Variants in NUP160 observed in about 807,000 individuals in gnomAD.
NUP160 encodes nucleoporin 160, also known as nuclear pore complex protein Nup160.
Under a neutral mutation model 196.9 loss-of-function variants are expected in NUP160, and 94 were observed. The observed-to-expected ratio is 0.48, with a 90% confidence interval of 0.40 to 0.57. NUP160 has a LOEUF of 0.57. Among genes scored for constraint, NUP160 ranks in the 20% least tolerant of loss-of-function variants. The pLI is 0.00. For missense variants in NUP160, 1,638 were observed against 1,748.3 expected, an observed-to-expected ratio of 0.94 and a Z score of 1.13; for synonymous variants, 605 against 619.7, an observed-to-expected ratio of 0.98 and a Z score of 0.35.
At chr11:47,788,643 C>T in intron 29 of NUP160, 32 bp from the exon 30 acceptor site, 1 of 1,376,646 alleles carries the variant, frequency 7.3e-7, no homozygotes, top group Non-Finnish European at 1.0e-6. Flanking sequence ...TTTGAACTCC[C>T]AAAATACAAA....
At chr11:47,844,282 A>C (rs1220938168) in intron 2 of NUP160, among the ~76,000 whole-genome samples, 1 of 152,198 alleles carries the variant, frequency 6.6e-6, no homozygotes, top group Non-Finnish European at 1.5e-5. Context: ...TCAAGACAGC[A>C]GTCAAAGCAA....
At chr11:47,779,311 C>G (rs1774684133) in intron 35 of NUP160, 117 bp from the exon 36 acceptor site, 2 of 644,456 alleles carry the variant, frequency 3.1e-6, no homozygotes, top group Non-Finnish European at 5.4e-6. Context: ...GTTAGCCACT[C>G]TGCTTCATAA....
At chr11:47,798,415 A>G (rs926460184) in exon 24 of NUP160, 7 of 1,611,990 alleles carry the variant, frequency 4.3e-6, no homozygotes, top group Non-Finnish European at 5.9e-6. Context: ...GATGTAGCCA[A>G]CTGAATAACC....
intron 27 of NUP160, among the ~76,000 whole-genome samples, chr11:47,794,200 A>C (rs1442020516): frequency 6.6e-6 from 1 of 152,194 alleles, no homozygotes; most frequent in Non-Finnish European, 1.5e-5. Flanking sequence ...GTACACTTAA[A>C]AATGGTCAAG....
chr11:47,806,924 A>C, intron 19 of NUP160, 146 bp downstream of exon 19: 1 of 614,702 alleles, frequency 1.6e-6, no homozygotes, highest in Non-Finnish European at 2.9e-6. Flanking sequence ...CCACAAACGG[A>C]GATCTCAGGC....
At chr11:47,803,612 TCA>T (rs1225548791) in intron 21 of NUP160, 76 bp from the exon 22 acceptor site, 36 of 812,792 alleles carry the variant, frequency 4.4e-5, no homozygotes, top group Middle Eastern at 4.5e-4. Flanking sequence ...AAGTTATTCG[TCA>T]CAGAGGATGA....
intron 17 of NUP160, among the ~76,000 whole-genome samples, chr11:47,811,042 A>T (rs1233039741): frequency 1.3e-5 from 2 of 152,138 alleles, no homozygotes; most frequent in African/African-American, 4.8e-5. Flanking sequence ...GGAGAAAAAT[A>T]ATTTCTTAGC....
rs753092027 is a variant in NUP160 at position 47,791,914 on chromosome 11, G to A, written c.3511+16C>T. 55 of 1,582,348 alleles carry A rather than the reference G, an allele frequency of 3.5e-5. No individual in the cohort carries two copies. The highest frequency in any genetic ancestry group is 5.1e-5 in the Admixed American group (3 of 58,864). ...CTACTGTCTAGCAAAGAACCAGTGT[G>A]AGACTCCTGACTCACTGGGGGCAGC... On this transcript the variant is annotated intron_variant, in intron 29 of 35. Transcript: ENST00000378460.
rs930447988 is a variant in NUP160, at chr11:47,797,254, C to G, written c.3289+525G>C. Among the ~76,000 whole-genome samples the G allele has an allele frequency of 3.9e-5, 6 of 152,222 alleles. No individual in the cohort carries two copies. The South Asian group carries it at 1.0e-3, about 26-fold the overall frequency. On this transcript the variant is annotated intron_variant, in intron 27 of 35. Coordinates refer to ENST00000378460, the Ensembl canonical transcript of NUP160. ...TAATTTCCTTTATTTATTTATGAGA[C>G]GGAGTTTTGCTTTTCGCCCAGGATG...
intron 27 of NUP160, among the ~76,000 whole-genome samples, chr11:47,794,483 A>G (rs915757719): frequency 6.6e-6 from 1 of 152,028 alleles, no homozygotes; most frequent in Non-Finnish European, 1.5e-5. Context: ...TCAAAAACAA[A>G]AACAGTTGGG....
At chr11:47,785,354 C>T (rs554168491) in intron 32 of NUP160, among the ~76,000 whole-genome samples, 39 of 152,202 alleles carry the variant, frequency 2.6e-4, no homozygotes, top group Admixed American at 3.9e-4. Flanking sequence ...TGGTATTAAA[C>T]TCCAGAGCTA....
chr11:47,813,468 T>C, intron 13 of NUP160, 53 bp from the exon 14 acceptor site: 1 of 1,192,044 alleles, frequency 8.4e-7, no homozygotes, highest in Non-Finnish European at 1.2e-6. Flanking sequence ...TTTAAAGGTA[T>C]AAAATAATTG....
intron 7 of NUP160, among the ~76,000 whole-genome samples, chr11:47,822,696 T>C (rs555341782): frequency 8.9e-4 from 135 of 152,166 alleles, no homozygotes; most frequent in African/African-American, 2.6e-3. Context: ...ATTACGTATA[T>C]CTCCTAATGT....
chr11:47,847,648 T>TGGGGGGGGGGGG (rs56283744), intron 2 of NUP160, among the ~76,000 whole-genome samples, 200 bp downstream of exon 2: 13 of 77,452 alleles, frequency 1.7e-4, no homozygotes, highest in African/African-American at 2.1e-4. Context: ...TGTGTGGGGG[T>TGGGGGGGGGGGG]GGGGGGGGGG....
At chr11:47,817,403 C>T (rs529594961) in intron 11 of NUP160, among the ~76,000 whole-genome samples, 24 of 146,878 alleles carry the variant, frequency 1.6e-4, no homozygotes, top group Admixed American at 4.1e-4. Flanking sequence ...AGTGCAGTGG[C>T]GCAATCTTGG....
intron 23 of NUP160, among the ~76,000 whole-genome samples, chr11:47,799,079 A>G (rs1313409732): frequency 6.6e-6 from 1 of 152,182 alleles, no homozygotes; most frequent in Non-Finnish European, 1.5e-5. Flanking sequence ...ATAATTTACT[A>G]AATGACTGAC....
chr11:47,830,745 T>C (rs1458299972), intron 7 of NUP160, among the ~76,000 whole-genome samples: 3 of 152,054 alleles, frequency 2.0e-5, no homozygotes, highest in East Asian at 3.9e-4. Flanking sequence ...GCAGAAAAGA[T>C]AGCTATTAGG....
At chr11:47,827,068 C>T (rs1449960619) in intron 7 of NUP160, 1 of 456,046 alleles carries the variant, frequency 2.2e-6, no homozygotes, top group Middle Eastern at 3.3e-4. Context: ...ATATAAAGGG[C>T]ACTTACGAAA....
In NUP160 at chr11:47,840,297, CAA is replaced by C. The variant is rs1212480520; in HGVS notation, c.525+79_525+80del. 3.9e-6 allele frequency: 5 copies of C among 1,279,890 alleles called. No individual in the cohort carries two copies. The African/African-American group carries it at 4.4e-5, about 11-fold the overall frequency. 79.3% of individuals were successfully genotyped at this position (1,279,890 alleles called of 1,614,324 possible). On this transcript the variant is annotated intron_variant, in intron 3 of 35. Coordinates refer to ENST00000378460, the Ensembl canonical transcript of NUP160. The stretch of plus-strand genomic sequence containing the variant: ...CGAGAATCCAAATTTCCTTCAATTC[CAA>C]AAGACATCGCTCCAGCACTACATTT...
Sources: allele counts gnomAD v4.1 joint callset (sites outside exome capture counted in the v4.1 genomes callset), GRCh38; gene constraint gnomAD v4.1.1; transcripts MANE v1.5; gene names NCBI Gene and HGNC (gene_info 2026-07-23, HGNC 2026-07-21).